CREB5: variants seen among roughly 807,000 people sequenced by gnomAD.
The protein encoded by CREB5 is cyclic AMP-responsive element-binding protein 5.
In CREB5, 19 loss-of-function variants were observed where a neutral mutation model predicts 57.1. That is an observed-to-expected ratio of 0.33 (90% CI 0.23 to 0.49). CREB5 has a LOEUF of 0.49. CREB5 is among the 20% of genes least tolerant of loss of function. CREB5 has a pLI of 0.99. For synonymous variants in CREB5, 238 were observed against 238.3 expected (o/e 1.00, Z 0.01); for missense variants, 579 against 671.6 (o/e 0.86, Z 1.52).
chr7:28,496,766 C>A (rs80001738), intron 3 of CREB5, among the ~76,000 whole-genome samples: 1 of 151,452 alleles, frequency 6.6e-6, no homozygotes, highest in Non-Finnish European at 1.5e-5. Flanking sequence ...CTTCACCCAC[C>A]ACTCGCCACC....
chr7:28,376,478 C>T (rs1786830798), intron 1 of CREB5, among the ~76,000 whole-genome samples: 1 of 152,004 alleles, frequency 6.6e-6, no homozygotes, highest in African/African-American at 2.4e-5. Context: ...CCATGTTGGC[C>T]AGGCTGGTTT....
intron 5 of CREB5, chr7:28,609,144 G>A (rs372984074): frequency 1.3e-5 from 2 of 152,270 alleles, no homozygotes; most frequent in East Asian, 1.9e-4. Flanking sequence ...CACTATTAGT[G>A]GTAAGCAACA....
chr7:28,395,781 T>TTTTCTTTC (rs529778395), intron 1 of CREB5, among the ~76,000 whole-genome samples: 144 of 152,218 alleles, frequency 9.5e-4, no homozygotes, highest in African/African-American at 3.2e-3. Context: ...GGAGTTTCTT[T>TTTTCTTTC]TTTCTTTCTT....
At chr7:28,722,699 G>A (rs967878369) in intron 6 of CREB5, among the ~76,000 whole-genome samples, 3 of 152,294 alleles carry the variant, frequency 2.0e-5, no homozygotes, top group East Asian at 1.9e-4. Context: ...TTGTACGGAA[G>A]TGCTTGGAAA....
intron 5 of CREB5, among the ~76,000 whole-genome samples, chr7:28,659,099 T>C (rs1430004566): frequency 6.6e-6 from 1 of 151,572 alleles, no homozygotes; most frequent in Non-Finnish European, 1.5e-5. Flanking sequence ...ACTCATTCCT[T>C]TCACAAATGT....
At chr7:28,585,755 C>A (rs1354402662) in intron 5 of CREB5, among the ~76,000 whole-genome samples, 2 of 152,088 alleles carry the variant, frequency 1.3e-5, no homozygotes, top group Non-Finnish European at 1.5e-5. Context: ...AGATGACCAC[C>A]CAGAGTGAGC....
chr7:28,617,912 A>C (rs1797650718), intron 5 of CREB5, among the ~76,000 whole-genome samples: 1 of 152,220 alleles, frequency 6.6e-6, no homozygotes. Flanking sequence ...TCATATTGGC[A>C]CAGAGATGAC....
rs1231364258 is a variant in CREB5 at position 28,697,728 on chromosome 7, T to G, written c.465-21025T>G. ...TTTTGCTGTAGGACCATCGTTCTTT[T>G]CTGCCTCAGCGTTGTCATTTGTTCT... On this transcript the variant is annotated intron_variant, in intron 5 of 10. Transcript: ENST00000357727. 2.0e-5 allele frequency among the ~76,000 whole-genome samples: 3 copies of G among 152,334 alleles called. No homozygotes were observed. In the East Asian group the frequency reaches 5.8e-4, roughly 29 times the overall value.
chr7:28,761,793 A>AG (rs1805676512), intron 7 of CREB5, among the ~76,000 whole-genome samples: 1 of 151,876 alleles, frequency 6.6e-6, no homozygotes, highest in Non-Finnish European at 1.5e-5. Flanking sequence ...GAGGGGTCAA[A>AG]GGTGATAATT....
At chr7:28,427,476 T>C (rs1788554193) in intron 1 of CREB5, among the ~76,000 whole-genome samples, 1 of 152,192 alleles carries the variant, frequency 6.6e-6, no homozygotes, top group Non-Finnish European at 1.5e-5. Context: ...CTGACGACAT[T>C]AATCTCCTTT....
chr7:28,750,441 C>G (rs1804916648), intron 7 of CREB5, among the ~76,000 whole-genome samples: 1 of 152,136 alleles, frequency 6.6e-6, no homozygotes, highest in Admixed American at 6.5e-5. Context: ...TCTGGGCTTG[C>G]TTTTTCACTT....
At chr7:28,514,394 T>C (rs1480710288) in intron 4 of CREB5, among the ~76,000 whole-genome samples, 1 of 152,136 alleles carries the variant, frequency 6.6e-6, no homozygotes, top group Non-Finnish European at 1.5e-5. Context: ...TTATTTGTTT[T>C]ATTTATTTTT....
chr7:28,453,712 T>C (rs904474639), intron 1 of CREB5, among the ~76,000 whole-genome samples: 1 of 152,200 alleles, frequency 6.6e-6, no homozygotes, highest in Admixed American at 6.5e-5. Context: ...CCAAGGCCCT[T>C]GAAGCAGGGC....
intron 5 of CREB5, among the ~76,000 whole-genome samples, chr7:28,700,610 C>T (rs1801804824): frequency 6.6e-6 from 1 of 152,186 alleles, no homozygotes; most frequent in South Asian, 2.1e-4. Flanking sequence ...AAAATCGGCC[C>T]TCTGCAGGCT....
rs186110652 is a variant in CREB5 at position 28,745,712 on chromosome 7, C to T, written c.702+21380C>T. ...CTGGAGCATGCTGCTGTTCTAGCAACAGGCCGGAGCTGTCTAGACAGGAGA... is the reference window on the plus strand; with the variant it reads ...CTGGAGCATGCTGCTGTTCTAGCAATAGGCCGGAGCTGTCTAGACAGGAGA... On this transcript the variant is annotated intron_variant, in intron 7 of 10. Transcript: ENST00000357727. 3.3e-5 allele frequency among the ~76,000 whole-genome samples: 5 copies of T among 152,340 alleles called. No homozygotes were observed. The East Asian group carries it at 9.6e-4, about 29-fold the overall frequency.
chr7:28,696,209 T>C (rs1179670302), intron 5 of CREB5, among the ~76,000 whole-genome samples: 1 of 152,226 alleles, frequency 6.6e-6, no homozygotes, highest in Non-Finnish European at 1.5e-5. Context: ...CCTCCCGACC[T>C]TGAAAGGATG....
intron 5 of CREB5, among the ~76,000 whole-genome samples, chr7:28,631,933 A>T (rs1798221788): frequency 6.6e-6 from 1 of 152,194 alleles, no homozygotes; most frequent in Admixed American, 6.5e-5. Context: ...TGACAGGCTT[A>T]GGCATGGCGT....
chr7:28,528,339 G>A (rs2128620175), intron 4 of CREB5, among the ~76,000 whole-genome samples: 1 of 152,328 alleles, frequency 6.6e-6, no homozygotes, highest in South Asian at 2.1e-4. Context: ...TGAAGATGCT[G>A]TGACATCCTG....
rs560528294 is a variant in CREB5, at chr7:28,370,846, C to T, written c.-25+71405C>T. ...TTGCACTTTGGCACTTCAAACATTG[C>T]CAACCCAAGAAATCAGAAAAATGAG... On this transcript the variant is annotated intron_variant, in intron 1 of 9. Transcript: ENST00000396299. Among the ~76,000 whole-genome samples the T allele has an allele frequency of 4.6e-5, 7 of 152,222 alleles. No individual in the cohort carries two copies. The East Asian group carries it at 1.4e-3, about 29-fold the overall frequency.
Sources: gnomAD v4.1 joint callset for allele counts (sites outside exome capture counted in the v4.1 genomes callset) on GRCh38, gnomAD v4.1.1 for gene constraint, MANE v1.5 for transcripts, NCBI Gene and HGNC (gene_info 2026-07-23, HGNC 2026-07-21) for gene names.